The following MPP7 variants were observed in gnomAD, a reference collection of about 807,000 sequenced individuals.
The protein encoded by MPP7 is MAGUK p55 scaffold protein 7, also known as MAGUK p55 subfamily member 7.
A neutral mutation model predicts 76.5 loss-of-function variants in MPP7; 60 were observed. The observed-to-expected ratio is 0.78, with a 90% CI of 0.64 to 0.97. The LOEUF (loss-of-function observed/expected upper bound fraction) is 0.97, where lower values mean the gene tolerates loss of function less well. MPP7 is among the 50% of genes least tolerant of loss of function. The pLI, the probability that MPP7 is intolerant of heterozygous loss-of-function variation, is 0.00. For missense variants in MPP7, 641 were observed against 694.0 expected (o/e 0.92, Z 0.86); for synonymous variants, 237 against 244.5 (o/e 0.97, Z 0.29).
intron 5 of MPP7, among the ~76,000 whole-genome samples, chr10:28,134,527 GT>G (rs1213135568): frequency 6.6e-6 from 1 of 152,004 alleles, no homozygotes; most frequent in South Asian, 2.1e-4. Context: ...CTCAATAAAT[GT>G]TTTTTTCCTT....
At chr10:28,182,904 C>G (rs1837105018) in intron 3 of MPP7, among the ~76,000 whole-genome samples, 1 of 152,120 alleles carries the variant, frequency 6.6e-6, no homozygotes, top group African/African-American at 2.4e-5. Flanking sequence ...ATGGAGAAAC[C>G]CCATCTCTAC....
At chr10:28,241,930 G>A (rs868406950) in intron 1 of MPP7, among the ~76,000 whole-genome samples, 2 of 152,138 alleles carry the variant, frequency 1.3e-5, no homozygotes, top group Non-Finnish European at 2.9e-5. Flanking sequence ...AGCTTACAAC[G>A]TTCAATTTCT....
At chr10:28,325,999 C>CGA (rs1564773364) in intron 2 of MPP7, among the ~76,000 whole-genome samples, 2 of 146,194 alleles carry the variant, frequency 1.4e-5, no homozygotes. Context: ...AAAAAAAATT[C>CGA]CTTAAAGAGA....
At chr10:28,248,127 T>G (rs1038703195) in intron 1 of MPP7, among the ~76,000 whole-genome samples, 1 of 152,076 alleles carries the variant, frequency 6.6e-6, no homozygotes, top group African/African-American at 2.4e-5. Flanking sequence ...CGGGAAATGG[T>G]TACAGAAAAG....
intron 4 of MPP7, among the ~76,000 whole-genome samples, chr10:28,149,772 G>A (rs1272713283): frequency 6.6e-6 from 1 of 152,196 alleles, no homozygotes; most frequent in Non-Finnish European, 1.5e-5. Flanking sequence ...CAAGAGAGTA[G>A]CTACATGCAA....
intron 3 of MPP7, among the ~76,000 whole-genome samples, chr10:28,171,152 C>G (rs778563941): frequency 3.3e-5 from 5 of 152,142 alleles, no homozygotes; most frequent in African/African-American, 4.8e-5. Context: ...ACAGAAAGGA[C>G]AGACACACCT....
intron 1 of MPP7, among the ~76,000 whole-genome samples, chr10:28,267,896 C>T (rs1273643455): frequency 6.6e-6 from 1 of 151,800 alleles, no homozygotes; most frequent in African/African-American, 2.4e-5. Flanking sequence ...ATTAGCCGGG[C>T]GTGCTGGTGC....
intron 3 of MPP7, among the ~76,000 whole-genome samples, chr10:28,180,636 T>C (rs1157391001): frequency 6.6e-6 from 1 of 152,220 alleles, no homozygotes; most frequent in African/African-American, 2.4e-5. Context: ...TAATAAGCAA[T>C]GCCTAAACCT....
chr10:28,313,851 T>A (rs1327173081), intron 2 of MPP7, among the ~76,000 whole-genome samples: 1 of 113,252 alleles, frequency 8.8e-6, no homozygotes, highest in Non-Finnish European at 1.7e-5. Context: ...TATACCTGGC[T>A]AATTTTTTTT....
At chr10:28,326,352 C>T (rs547874544) in intron 2 of MPP7, among the ~76,000 whole-genome samples, 1 of 152,142 alleles carries the variant, frequency 6.6e-6, no homozygotes, top group East Asian at 1.9e-4. Flanking sequence ...AAGGCAGCTG[C>T]TGTTCCTCCT....
At chr10:28,236,835 T>C (rs1839093085) in intron 2 of MPP7, 1 of 146,578 alleles carries the variant, frequency 6.8e-6, no homozygotes, top group African/African-American at 2.6e-5. Flanking sequence ...ACGCTGCTTA[T>C]GGGAAAAATG....
rs1166228268 is a variant in MPP7 at position 28,313,744 on chromosome 10, T to C, written c.-132+16185A>G. ...CTCGGTCCCCCAGGTTGGAGTACAG[T>C]GGCACAATCTTGGCTCACCGCAGCC... On this transcript the variant is annotated intron_variant, in intron 2 of 11. Transcript: ENST00000441595. 2.0e-5 allele frequency among the ~76,000 whole-genome samples: 3 copies of C among 152,170 alleles called. No individual in the cohort carries two copies. In the East Asian group the frequency reaches 5.8e-4, roughly 29 times the overall value.
At chr10:28,186,910 C>A (rs1837256732) in intron 3 of MPP7, among the ~76,000 whole-genome samples, 1 of 152,142 alleles carries the variant, frequency 6.6e-6, no homozygotes, top group Non-Finnish European at 1.5e-5. Context: ...TTCCTATCCT[C>A]TGGAATTAGA....
chr10:28,218,239 G>A (rs1373292445), intron 2 of MPP7, among the ~76,000 whole-genome samples: 2 of 152,114 alleles, frequency 1.3e-5, no homozygotes, highest in African/African-American at 4.8e-5. Context: ...AGGAGTCGGG[G>A]GTAGGGCAGC....
At chr10:28,308,789 GACA>G (rs1203934978) in intron 2 of MPP7, among the ~76,000 whole-genome samples, 2 of 150,450 alleles carry the variant, frequency 1.3e-5, no homozygotes, top group Non-Finnish European at 3.0e-5. Context: ...AAAAAAAAAA[GACA>G]ACAACAACAA....
rs572708582 is a variant in MPP7 at position 28,060,197 on chromosome 10, A to G, written c.1205-454T>C. On this transcript the variant is annotated intron_variant, in intron 13 of 16. Transcript: ENST00000683449. Reference sequence around the variant, plus strand: ...TGGGACATAGTGGGTATGCCATCAAAGTTTTGTTTTACCAGCCAAGTGAAG... The same window carrying G: ...TGGGACATAGTGGGTATGCCATCAAGGTTTTGTTTTACCAGCCAAGTGAAG... Among the ~76,000 whole-genome samples the G allele has an allele frequency of 1.1e-4, 16 of 152,266 alleles. No homozygotes were observed. The East Asian group carries it at 1.3e-3, about 13-fold the overall frequency.
chr10:28,325,162 G>A lies in MPP7; in HGVS notation c.-132+4767C>T, dbSNP rs193283111. ...TCCTGCCTTGGCCTCCTAAAGTTCT[G>A]GGATTACAGGTGTGAGCTACTGTGC... On this transcript the variant is annotated intron_variant, in intron 2 of 11. Transcript: ENST00000441595. Among the ~76,000 whole-genome samples the A allele has an allele frequency of 2.6e-4, 39 of 152,244 alleles. 1 individual carries two copies. In the East Asian group the frequency reaches 3.1e-3, roughly 12 times the overall value.
At chr10:28,315,269 A>AG (rs1834307958) in intron 2 of MPP7, among the ~76,000 whole-genome samples, 1 of 129,876 alleles carries the variant, frequency 7.7e-6, no homozygotes, top group Non-Finnish European at 1.7e-5. Context: ...GGGAGGGAAA[A>AG]GAAAGAAGGA....
intron 2 of MPP7, among the ~76,000 whole-genome samples, chr10:28,324,239 C>T (rs1178119617): frequency 1.3e-5 from 2 of 152,164 alleles, no homozygotes; most frequent in African/African-American, 4.8e-5. Context: ...CGTGAGGGCA[C>T]AGAGAGAAGA....
Sources: allele counts gnomAD v4.1 joint callset (sites outside exome capture counted in the v4.1 genomes callset), GRCh38; gene constraint gnomAD v4.1.1; transcripts MANE v1.5; gene names NCBI Gene and HGNC (gene_info 2026-07-23, HGNC 2026-07-21).